The following GSPT1 variants were observed in gnomAD, a reference collection of about 807,000 sequenced individuals.
GSPT1 encodes the protein eukaryotic peptide chain release factor GTP-binding subunit ERF3A.
In GSPT1, 20 loss-of-function variants were observed where a neutral mutation model predicts 72.5. The observed-to-expected ratio is 0.28, with a 90% CI of 0.19 to 0.40. GSPT1 has a LOEUF of 0.40. GSPT1 is among the 10% of genes least tolerant of loss of function. The pLI, the probability that GSPT1 is intolerant of heterozygous loss-of-function variation, is 1.00. For missense variants in GSPT1, 580 were observed against 811.9 expected (o/e 0.71, Z 3.47); for synonymous variants, 334 against 293.5 (o/e 1.14, Z -1.41).
upstream of GSPT1, among the ~76,000 whole-genome samples, chr16:11,916,449 ACT>A (rs752151015): frequency 7.7e-4 from 117 of 151,684 alleles, no homozygotes; most frequent in Admixed American, 1.4e-3. Context: ...AAATTCTTGT[ACT>A]CTCTTTTCAC....
intron 6 of GSPT1, among the ~76,000 whole-genome samples, chr16:11,889,329 CTTT>C (rs902991145): frequency 8.3e-5 from 5 of 60,072 alleles, no homozygotes; most frequent in Non-Finnish European, 1.5e-4. Flanking sequence ...CCCTCTTCTT[CTTT>C]TTTTTTTTTT....
In GSPT1 at chr16:11,883,189, A is replaced by G; in HGVS notation, c.1348-94T>C. 5.4e-6 allele frequency: 4 copies of G among 741,904 alleles called. No individual in the cohort carries two copies. In the South Asian group the frequency reaches 6.2e-5, roughly 12 times the overall value. The allele number at this position is 741,904 out of a possible 1,614,324, so 46.0% of individuals were successfully genotyped here. On this transcript the variant is annotated intron_variant, in intron 10 of 14. Coordinates refer to ENST00000434724, the MANE Select transcript of GSPT1 (RefSeq NM_002094.4). The stretch of plus-strand genomic sequence containing the variant: ...GTGAAATTCTACACTGCTTATTCAT[A>G]AAGGAAAATCATTTGCTTAAGTAGA...
chr16:11,913,325 A>G (rs2054584121), intron 1 of GSPT1, among the ~76,000 whole-genome samples: 1 of 152,244 alleles, frequency 6.6e-6, no homozygotes, highest in South Asian at 2.1e-4. Context: ...ATTTTGGTAC[A>G]AGCAATTGGT....
At chr16:11,904,449 G>A (rs1227337031) in intron 1 of GSPT1, among the ~76,000 whole-genome samples, 15 of 152,024 alleles carry the variant, frequency 9.9e-5, no homozygotes, top group African/African-American at 1.9e-4. Context: ...TGATCCGCCC[G>A]CCTTGGCCTC....
At position 11,915,600 on chromosome 16, in the gene GSPT1, G is replaced by A. The variant is rs3021065; in HGVS notation, c.121C>T (p.Pro41Ser). 12,656 of 1,491,836 alleles carry A rather than the reference G, an allele frequency of 8.5e-3. 112 individuals carry two copies. Among genetic ancestry groups the A allele is most frequent in the East Asian group, 0.063 (2,161 of 34,470 alleles). 92.4% of individuals were successfully genotyped at this position (1,491,836 alleles called of 1,614,324 possible). Reference sequence around the variant, plus strand: ...GAGCCGCCGCCGCCGCAAGGGCCCGGCCCGGGGGCTTCCATGTCCGCCTGG... The same window carrying A: ...GAGCCGCCGCCGCCGCAAGGGCCCGACCCGGGGGCTTCCATGTCCGCCTGG... ...WDQADMEAPG[P>S]GPCGGGGSLA... The change falls in exon 1 of 15, where the codon CCG (proline) becomes TCG (serine). Residue 41 changes from proline to serine, a missense_variant. Physicochemically the swap from Pro to Ser is moderately conservative, Grantham distance 74. Transcript: ENST00000434724.
upstream of GSPT1, chr16:11,915,961 C>T (rs2054633002): frequency 2.7e-6 from 2 of 729,660 alleles, no homozygotes; most frequent in Non-Finnish European, 2.5e-6. Flanking sequence ...GTGAGCGGAT[C>T]TCCTCCCACC....
chr16:11,903,340 G>A (rs1476685275), intron 1 of GSPT1, among the ~76,000 whole-genome samples: 17 of 151,974 alleles, frequency 1.1e-4, no homozygotes, highest in East Asian at 1.9e-4. Context: ...GTGAAACCCC[G>A]TCTCTACTAA....
intron 11 of GSPT1, among the ~76,000 whole-genome samples, chr16:11,879,755 A>C (rs931969919): frequency 1.3e-5 from 2 of 151,240 alleles, no homozygotes; most frequent in Admixed American, 6.6e-5. Context: ...AAAAAAAAAA[A>C]CAAAACAAAA....
rs952516431 is a variant in GSPT1, at chr16:11,868,339, G to A, written c.*4780C>T. ...TTAGGCTAAAAAACTCAACAAACCT[G>A]ATCAGTTCCCTTTAATCCTGTTTTT... On this transcript the variant is annotated 3_prime_UTR_variant, in exon 15 of 15. Transcript: ENST00000434724. 2 of 148,094 alleles carry A rather than the reference G, an allele frequency of 1.4e-5. No homozygotes were observed. The highest frequency in any genetic ancestry group is 3.0e-5 in the Non-Finnish European group (2 of 67,496). The allele number at this position is 148,094 out of a possible 1,614,324, so 9.2% of individuals were successfully genotyped here. A position where few individuals can be genotyped will look rare whatever the true frequency, so the allele number is the denominator to read the frequency against.
chr16:11,915,647 TCGCTGCTGCTGCTGCCGCTGCTGCTCC>T lies in GSPT1; in HGVS notation c.47_73del (p.Gly16_Ser24del). The T allele has an allele frequency of 1.3e-6, 2 of 1,481,974 alleles. No individual in the cohort carries two copies. The highest frequency in any genetic ancestry group is 1.8e-6 in the Non-Finnish European group (2 of 1,121,472). The allele number at this position is 1,481,974 out of a possible 1,614,324, so 91.8% of individuals were successfully genotyped here. On this transcript the variant is annotated inframe_deletion, in exon 1 of 15. Transcript: ENST00000434724. ...CTGGTCCCAGCAGTCAGGCGCCGAG[TCGCTGCTGCTGCTGCCGCTGCTGCTCC>T]CGCCGCCGCCGCCGCCGCCGCCGCC...
intron 1 of GSPT1, among the ~76,000 whole-genome samples, chr16:11,912,602 TTAGAAGCTCTGGCTGTTCTAAAAAG>T (rs1320989239): frequency 6.6e-6 from 1 of 152,210 alleles, no homozygotes; most frequent in African/African-American, 2.4e-5. Context: ...CATCATTACT[TTAGAAGCTCTGGCTGTTCTAAAAAG>T]TTCAAGTAAC....
At chr16:11,879,785 C>A (rs569429721) in intron 11 of GSPT1, among the ~76,000 whole-genome samples, 2 of 151,586 alleles carry the variant, frequency 1.3e-5, no homozygotes, top group South Asian at 4.2e-4. Context: ...CAATCTGTAT[C>A]TCAGAACAGT....
At chr16:11,913,639 C>CTCCACT (rs1275053672) in intron 1 of GSPT1, among the ~76,000 whole-genome samples, 1 of 152,136 alleles carries the variant, frequency 6.6e-6, no homozygotes, top group East Asian at 1.9e-4. Context: ...GTGCTGGTGG[C>CTCCACT]TCCACAGAAA....
rs1182750875 is a variant in GSPT1 at position 11,877,617 on chromosome 16, A to G, written c.1429-37T>C. On this transcript the variant is annotated intron_variant, in intron 11 of 14. Transcript: ENST00000434724. This position sits in a 1 kb window ranked among gnomAD's most constrained non-coding sequence, Gnocchi z 4.0. Reference sequence around the variant, plus strand: ...AACAAGACTGGAGGTTTTCTGACACATTCACTGCATTACGCAACATAAAAT... The same window carrying G: ...AACAAGACTGGAGGTTTTCTGACACGTTCACTGCATTACGCAACATAAAAT... 6 of 1,304,430 alleles carry G rather than the reference A, an allele frequency of 4.6e-6. No homozygotes were observed. Among genetic ancestry groups the G allele is most frequent in the Non-Finnish European group, 5.3e-6 (5 of 936,544 alleles). The allele number at this position is 1,304,430 out of a possible 1,614,324, so 80.8% of individuals were successfully genotyped here. A position where few individuals can be genotyped will look rare whatever the true frequency, so the allele number is the denominator to read the frequency against.
intron 1 of GSPT1, among the ~76,000 whole-genome samples, chr16:11,902,337 G>T (rs1596472424): frequency 7.2e-6 from 1 of 138,258 alleles, no homozygotes; most frequent in South Asian, 2.3e-4. Context: ...AGCCGAGATC[G>T]CACCACTGCA....
At chr16:11,912,972 T>C (rs1032721736) in intron 1 of GSPT1, among the ~76,000 whole-genome samples, 2 of 152,210 alleles carry the variant, frequency 1.3e-5, no homozygotes, top group Non-Finnish European at 1.5e-5. Context: ...CTTCAACAGC[T>C]TTCCCGGCAT....
rs1439085181 is a variant in GSPT1, at chr16:11,907,542, A to G, written c.352+7827T>C. 2.0e-5 allele frequency among the ~76,000 whole-genome samples: 3 copies of G among 152,208 alleles called. No homozygotes were observed. In the East Asian group the frequency reaches 5.8e-4, roughly 29 times the overall value. On this transcript the variant is annotated intron_variant, in intron 1 of 14. Coordinates refer to ENST00000434724, the MANE Select transcript of GSPT1 (RefSeq NM_002094.4). ...AACCTTTAAGAATGAAACATTAGGC[A>G]AATGCCAGGGCCACTCTCAGAAAAC...
chr16:11,892,243 T>C (rs968428139), intron 5 of GSPT1, among the ~76,000 whole-genome samples: 1 of 151,504 alleles, frequency 6.6e-6, no homozygotes, highest in African/African-American at 2.4e-5. Context: ...CTTGGGAGGC[T>C]GAAGTGAGAG....
At chr16:11,883,157 G>T in intron 10 of GSPT1, 62 bp from the exon 11 acceptor site, 1 of 985,506 alleles carries the variant, frequency 1.0e-6, no homozygotes, top group Non-Finnish European at 1.6e-6. Flanking sequence ...CAGCTCAATA[G>T]CCCAAAGTGA....
Sources: allele counts gnomAD v4.1 joint callset (sites outside exome capture counted in the v4.1 genomes callset), GRCh38; gene constraint gnomAD v4.1.1; non-coding constraint Gnocchi (gnomAD v3.1); transcripts MANE v1.5; gene names NCBI Gene and HGNC (gene_info 2026-07-23, HGNC 2026-07-21).